MTCL2: variants seen among roughly 807,000 people sequenced by gnomAD.
MTCL2 encodes microtubule crosslinking factor 2.
the MTCL2 span, among the ~76,000 whole-genome samples, chr20:36,837,546 A>AT: frequency 1.5e-5 from 2 of 135,050 alleles, no homozygotes; most frequent in Non-Finnish European, 3.1e-5. Context: ...CATTTTACCC[A>AT]CATTATTATT....
the MTCL2 span, among the ~76,000 whole-genome samples, chr20:36,821,774 T>C: frequency 2.0e-5 from 3 of 152,284 alleles, no homozygotes; most frequent in East Asian, 3.9e-4. Context: ...TATGTATACA[T>C]AGAAAAACTT....
At chr20:36,784,065 G>T in the MTCL2 span, 2 of 985,532 alleles carry the variant, frequency 2.0e-6, no homozygotes, top group Non-Finnish European at 2.4e-6. Context: ...AAGGCTGAGT[G>T]GTCCGTAGGT....
the MTCL2 span, among the ~76,000 whole-genome samples, chr20:36,853,057 C>CAA: frequency 2.8e-5 from 2 of 71,378 alleles, no homozygotes; most frequent in African/African-American, 5.3e-5. Context: ...ACTTCGTCTC[C>CAA]AAAAAAAAAA....
the MTCL2 span, among the ~76,000 whole-genome samples, chr20:36,832,917 C>G: frequency 6.6e-6 from 1 of 152,208 alleles, no homozygotes. Flanking sequence ...TGGGCTTGTC[C>G]CTGCTCCTCA....
chr20:36,840,267 C>T, the MTCL2 span, among the ~76,000 whole-genome samples: 4 of 151,702 alleles, frequency 2.6e-5, no homozygotes, highest in African/African-American at 9.7e-5. Flanking sequence ...TGGGTTCACG[C>T]CATTCTCCCG....
chr20:36,812,896 C>T, the MTCL2 span: 7 of 1,571,454 alleles, frequency 4.5e-6, no homozygotes, highest in South Asian at 1.2e-5. Flanking sequence ...TGGGGAGGGG[C>T]CCGAGGGGTG....
At chr20:36,850,857 C>T in the MTCL2 span, among the ~76,000 whole-genome samples, 22 of 152,208 alleles carry the variant, frequency 1.4e-4, no homozygotes, top group Admixed American at 2.6e-4. Flanking sequence ...GGTACGTCCA[C>T]GCAATAGAAT....
the MTCL2 span, among the ~76,000 whole-genome samples, chr20:36,796,353 G>A: frequency 6.6e-6 from 1 of 152,218 alleles, no homozygotes; most frequent in Admixed American, 6.5e-5. Context: ...TCCACAGCCT[G>A]TCCCGCCTGC....
the MTCL2 span, among the ~76,000 whole-genome samples, chr20:36,788,512 C>T: frequency 2.0e-5 from 3 of 152,040 alleles, no homozygotes; most frequent in African/African-American, 7.2e-5. Flanking sequence ...GTGGCAGGTG[C>T]CTGTAGTCCC....
the MTCL2 span, among the ~76,000 whole-genome samples, chr20:36,853,700 GGGGTGT>G: frequency 6.4e-3 from 764 of 120,096 alleles, 6 homozygotes; most frequent in African/African-American, 0.023. Flanking sequence ...CTATCAGGGA[GGGGTGT>G]GTGTGTGTGT....
At chr20:36,807,570 T>G in the MTCL2 span, among the ~76,000 whole-genome samples, 1 of 152,192 alleles carries the variant, frequency 6.6e-6, no homozygotes, top group East Asian at 1.9e-4. Context: ...ACGCAAGGGC[T>G]TTGAGCAGCA....
At chr20:36,832,714 A>G in the MTCL2 span, among the ~76,000 whole-genome samples, 1 of 152,180 alleles carries the variant, frequency 6.6e-6, no homozygotes, top group Non-Finnish European at 1.5e-5. Flanking sequence ...GTGGTGGCAC[A>G]TGCCTATAAT....
At chr20:36,831,974 C>T in the MTCL2 span, among the ~76,000 whole-genome samples, 7 of 152,210 alleles carry the variant, frequency 4.6e-5, no homozygotes, top group African/African-American at 1.7e-4. Flanking sequence ...TGCTTAGGCA[C>T]TGGAGGCAGG....
At chr20:36,790,449 T>G in the MTCL2 span, among the ~76,000 whole-genome samples, 1 of 140,902 alleles carries the variant, frequency 7.1e-6, no homozygotes, top group Non-Finnish European at 1.5e-5. Context: ...TTTTTTTTTT[T>G]TAAAAGATGG....
At chr20:36,802,092 C>T in the MTCL2 span, among the ~76,000 whole-genome samples, 1 of 152,040 alleles carries the variant, frequency 6.6e-6, no homozygotes, top group Non-Finnish European at 1.5e-5. Context: ...TTGAGACCAG[C>T]CTGGCCAACA....
chr20:36,835,052 T>C, the MTCL2 span, among the ~76,000 whole-genome samples: 8 of 152,118 alleles, frequency 5.3e-5, no homozygotes, highest in South Asian at 4.1e-4. Flanking sequence ...AGACCTAGTA[T>C]TTAATACTCT....
chr20:36,841,780 C>T, the MTCL2 span, among the ~76,000 whole-genome samples: 1 of 152,008 alleles, frequency 6.6e-6, no homozygotes, highest in Non-Finnish European at 1.5e-5. Flanking sequence ...CTCGCTGCAA[C>T]CTCTGCCTCC....
chr20:36,786,592 C>T, the MTCL2 span: 22 of 1,550,688 alleles, frequency 1.4e-5, no homozygotes, highest in Middle Eastern at 1.7e-4. Context: ...GACGATCGGG[C>T]GAAGCAGGAG....
the MTCL2 span, among the ~76,000 whole-genome samples, chr20:36,787,911 T>C: frequency 7.8e-6 from 1 of 127,678 alleles, no homozygotes; most frequent in African/African-American, 3.0e-5. Context: ...AAAAAAGTGC[T>C]GCTGGACAGC....
Sources: gnomAD v4.1 joint callset for allele counts (sites outside exome capture counted in the v4.1 genomes callset) on GRCh38, gnomAD v4.1.1 for gene constraint, MANE v1.5 for transcripts, NCBI Gene and HGNC (gene_info 2026-07-23, HGNC 2026-07-21) for gene names.